The following SANBR variants were observed in gnomAD, a reference collection of about 807,000 sequenced individuals.
The protein encoded by SANBR is SANT and BTB domain regulator of class switch recombination.
In SANBR, 77 loss-of-function variants were observed where a neutral mutation model predicts 101.8. The ratio of observed to expected loss-of-function variants is 0.76; its 90% CI spans 0.63 to 0.91. The LOEUF is 0.91. SANBR is among the 40% of genes least tolerant of loss of function. The pLI, the probability that SANBR is intolerant of heterozygous loss-of-function variation, is 0.00. For synonymous variants in SANBR, 279 were observed against 274.7 expected (o/e 1.02, Z -0.15); for missense variants, 875 against 853.0 (o/e 1.03, Z -0.32).
At chr2:61,087,850 C>G (rs1460648769) in intron 8 of SANBR, among the ~76,000 whole-genome samples, 1 of 118,874 alleles carries the variant, frequency 8.4e-6, no homozygotes, top group Non-Finnish European at 1.8e-5. Flanking sequence ...GACTCTGTCT[C>G]AAAAAAAAAA....
intron 12 of SANBR, among the ~76,000 whole-genome samples, chr2:61,103,174 C>T (rs1302037385): frequency 1.4e-5 from 2 of 143,686 alleles, no homozygotes; most frequent in East Asian, 2.0e-4. Flanking sequence ...TTCACTCTAT[C>T]GCCCAAGCTG....
chr2:61,083,688 T>G (rs1682267506), intron 8 of SANBR, among the ~76,000 whole-genome samples: 1 of 151,800 alleles, frequency 6.6e-6, no homozygotes, highest in Non-Finnish European at 1.5e-5. Flanking sequence ...GCTAACATGG[T>G]GAAACCCCGT....
chr2:61,116,362 T>C (rs1211720224), intron 17 of SANBR, among the ~76,000 whole-genome samples: 3 of 152,076 alleles, frequency 2.0e-5, no homozygotes, highest in Non-Finnish European at 4.4e-5. Context: ...ACATAAGAAC[T>C]CGATAAAATT....
chr2:61,118,357 T>G (rs1684177416), intron 20 of SANBR, among the ~76,000 whole-genome samples: 2 of 152,076 alleles, frequency 1.3e-5, no homozygotes, highest in African/African-American at 4.8e-5. Flanking sequence ...TTCTCCTCCC[T>G]CAGCCTCCCA....
At position 61,083,308 on chromosome 2, in the gene SANBR, T is replaced by G; in HGVS notation, c.884T>G (p.Phe295Cys). 1 of 1,582,980 alleles carries G rather than the reference T, an allele frequency of 6.3e-7. No individual in the cohort carries two copies. Among genetic ancestry groups the G allele is most frequent in the Non-Finnish European group, 8.6e-7 (1 of 1,157,628 alleles). Residue 295 changes from phenylalanine to cysteine, a missense_variant, in exon 8 of 22, where the codon TTT becomes TGT. Phe to Cys is a radical substitution (Grantham distance 205). Coordinates refer to ENST00000402291, the MANE Select transcript of SANBR (RefSeq NM_001129993.3). ...GATTTAAAGGACAAAAAAGATAAAT[T>G]TAAAAGGTAATTTCAAAAGTTTAAT... ...VDDLKDKKDK[F>C]KSKLFCKKIE... is the part of the protein sequence containing the mutation.
rs70959893 is a variant in SANBR, at chr2:61,072,821, C to CTTTTTTTTTTTTTTTTTTTTTTTT, written c.338-631_338-608dup. ...AGACTCTTGCTTGTCTCTCATGTTA[C>CTTTTTTTTTTTTTTTTTTTTTTTT]TTTTTTTTTTTTTTTTTTTTTTTTT... On this transcript the variant is annotated intron_variant, in intron 4 of 21. Transcript: ENST00000402291. Among the ~76,000 whole-genome samples, 10 of 31,660 alleles carry CTTTTTTTTTTTTTTTTTTTTTTTT rather than the reference C, an allele frequency of 3.2e-4. 2 individuals are homozygous for CTTTTTTTTTTTTTTTTTTTTTTTT. The highest frequency in any genetic ancestry group is 3.9e-4 in the Non-Finnish European group (7 of 18,076). The allele number at this position is 31,660 out of a possible 152,430, so 20.8% of individuals were successfully genotyped here.
chr2:61,108,177 C>G, intron 14 of SANBR, 140 bp from the exon 15 acceptor site: 3 of 471,008 alleles, frequency 6.4e-6, no homozygotes, highest in Non-Finnish European at 7.5e-6. Flanking sequence ...CACTTTCAGC[C>G]TGAGTTTTAA....
intron 10 of SANBR, 34 bp downstream of exon 10, chr2:61,088,502 T>G: frequency 7.9e-7 from 1 of 1,259,482 alleles, no homozygotes. Flanking sequence ...CATGTATTTT[T>G]GTATATATAT....
intron 17 of SANBR, 148 bp downstream of exon 17, chr2:61,116,218 A>G: frequency 1.7e-6 from 1 of 575,122 alleles, no homozygotes; most frequent in Non-Finnish European, 3.1e-6. Context: ...AAAGATCTCT[A>G]AGATATATTG....
chr2:61,122,576 A>C lies in SANBR; in HGVS notation c.*414A>C, dbSNP rs539527405. Reference sequence around the variant, plus strand: ...ATTGTAGTATGTCTTTGGAGCTGTAAATCTTGAGATAGCATTGAGAACTGC... The same window carrying C: ...ATTGTAGTATGTCTTTGGAGCTGTACATCTTGAGATAGCATTGAGAACTGC... On this transcript the variant is annotated 3_prime_UTR_variant, in exon 22 of 22. Coordinates refer to ENST00000402291, the MANE Select transcript of SANBR (RefSeq NM_001129993.3). 1 of 989,990 alleles carries C rather than the reference A, an allele frequency of 1.0e-6. No homozygotes were observed. Among genetic ancestry groups the C allele is most frequent in the East Asian group, 1.1e-4 (1 of 9,178 alleles). The allele number at this position is 989,990 out of a possible 1,614,324, so 61.3% of individuals were successfully genotyped here.
In SANBR at chr2:61,135,151, A is replaced by C. The variant is rs746989101; in HGVS notation, c.*44+875A>C. On this transcript the variant is annotated intron_variant, in intron 21 of 21. Transcript: ENST00000295031. ...GGTTGCAGACTTTAGTTCATTTTTGAATGGCAGATATAACTGTTGGTTGTT... is the reference window on the plus strand; with the variant it reads ...GGTTGCAGACTTTAGTTCATTTTTGCATGGCAGATATAACTGTTGGTTGTT... Among the ~76,000 whole-genome samples, 72 of 152,208 alleles carry C rather than the reference A, an allele frequency of 4.7e-4. 2 individuals carry two copies. Among genetic ancestry groups the C allele is most frequent in the Non-Finnish European group, 1.8e-4 (12 of 68,040 alleles).
At chr2:61,104,678 A>AT (rs1683467295) in intron 13 of SANBR, among the ~76,000 whole-genome samples, 1 of 152,194 alleles carries the variant, frequency 6.6e-6, no homozygotes, top group African/African-American at 2.4e-5. Flanking sequence ...TCTCTCCATG[A>AT]GTATGAACTT....
intron 8 of SANBR, among the ~76,000 whole-genome samples, chr2:61,084,518 C>G (rs1682317783): frequency 6.6e-6 from 1 of 152,046 alleles, no homozygotes; most frequent in Admixed American, 6.6e-5. Flanking sequence ...TCTGAAAAGC[C>G]ACTGCACTCC....
chr2:61,116,550 C>A (rs1684088120), intron 17 of SANBR, among the ~76,000 whole-genome samples: 1 of 151,976 alleles, frequency 6.6e-6, no homozygotes, highest in Non-Finnish European at 1.5e-5. Flanking sequence ...ATTCTTATTT[C>A]TCCATGCCTT....
intron 11 of SANBR, among the ~76,000 whole-genome samples, chr2:61,095,532 C>T (rs1324817073): frequency 6.6e-6 from 1 of 152,164 alleles, no homozygotes; most frequent in Non-Finnish European, 1.5e-5. Context: ...ATAGCAACTT[C>T]AGTACATCAT....
chr2:61,089,312 AC>A, intron 10 of SANBR: 2 of 318,614 alleles, frequency 6.3e-6, no homozygotes, highest in Non-Finnish European at 9.1e-6. Flanking sequence ...GGAGTTTGAG[AC>A]CAGCCTGACC....
rs551764618 is a variant in SANBR at position 61,077,128 on chromosome 2, G to A, written c.640G>A (p.Glu214Lys). The stretch of plus-strand genomic sequence containing the variant: ...AAAATACATTAAAAGGAACACTAAG[G>A]AGAATAAAGATTGTGAGATGCCCAC... ...LIKYIKRNTKENKDCEMPTLE... is the reference protein window; with the variant it reads ...LIKYIKRNTKKNKDCEMPTLE... Residue 214 changes from glutamate (E) to lysine (K), a missense_variant, in exon 6 of 22, where the codon GAG (glutamate) becomes AAG (lysine). By Grantham distance (56) the Glu-to-Lys change is moderately conservative. Transcript: ENST00000402291. 2.0e-5 allele frequency: 33 copies of A among 1,612,180 alleles called. No individual in the cohort carries two copies. In the Admixed American group the frequency reaches 4.8e-4, roughly 24 times the overall value.
downstream of SANBR, among the ~76,000 whole-genome samples, chr2:61,127,446 C>T (rs1023973243): frequency 2.0e-5 from 3 of 152,182 alleles, no homozygotes; most frequent in East Asian, 1.9e-4. Flanking sequence ...ATCTGGGTAG[C>T]TTCAAGTTCT....
intron 12 of SANBR, among the ~76,000 whole-genome samples, chr2:61,103,094 C>T (rs1340131198): frequency 6.6e-6 from 1 of 150,968 alleles, no homozygotes; most frequent in Non-Finnish European, 1.5e-5. Flanking sequence ...ATTATTATTA[C>T]ATGAAATAAC....
Sources: gnomAD v4.1 joint callset for allele counts (sites outside exome capture counted in the v4.1 genomes callset) on GRCh38, gnomAD v4.1.1 for gene constraint, MANE v1.5 for transcripts, NCBI Gene and HGNC (gene_info 2026-07-23, HGNC 2026-07-21) for gene names.